The following FCHO2 variants were observed in gnomAD, a reference collection of about 807,000 sequenced individuals.
FCHO2 encodes FCH and mu domain containing endocytic adaptor 2.
FCHO2 carries 43 observed loss-of-function variants against 114.1 expected under a neutral mutation model. The observed-to-expected ratio is 0.38, with a 90% CI of 0.30 to 0.49. FCHO2 has a LOEUF of 0.49. Ranked by LOEUF, FCHO2 falls within the 20% of genes least tolerant of loss-of-function variation. FCHO2 has a pLI of 0.97. For missense variants in FCHO2, 807 were observed against 950.4 expected, an observed-to-expected ratio of 0.85 and a Z score of 1.98; for synonymous variants, 293 against 315.2, an observed-to-expected ratio of 0.93 and a Z score of 0.75.
chr5:73,048,277 C>A (rs889168635), intron 11 of FCHO2, among the ~76,000 whole-genome samples: 1 of 151,978 alleles, frequency 6.6e-6, no homozygotes, highest in Non-Finnish European at 1.5e-5. Flanking sequence ...TAGGGACACC[C>A]TGTGTCTATT....
chr5:73,027,334 C>T (rs1755992265), intron 8 of FCHO2, among the ~76,000 whole-genome samples: 1 of 149,102 alleles, frequency 6.7e-6, no homozygotes, highest in African/African-American at 2.5e-5. Flanking sequence ...TATATATATA[C>T]ATATAGTGAC....
At chr5:72,975,443 C>T (rs1752808084) in intron 2 of FCHO2, among the ~76,000 whole-genome samples, 1 of 152,160 alleles carries the variant, frequency 6.6e-6, no homozygotes, top group Admixed American at 6.5e-5. Context: ...TCTTGTGCCT[C>T]AGCCTCCCAA....
intron 11 of FCHO2, among the ~76,000 whole-genome samples, chr5:73,048,753 G>A (rs903694354): frequency 4.0e-5 from 6 of 149,190 alleles, no homozygotes; most frequent in Non-Finnish European, 6.0e-5. Flanking sequence ...ACACATTGCT[G>A]AGTTTTTCTC....
At chr5:72,969,284 C>G (rs1752379682) in intron 2 of FCHO2, among the ~76,000 whole-genome samples, 1 of 152,088 alleles carries the variant, frequency 6.6e-6, no homozygotes. Context: ...AATGTATATC[C>G]CATCAGTGCT....
intron 17 of FCHO2, among the ~76,000 whole-genome samples, chr5:73,060,003 TCA>T (rs1757780406): frequency 6.6e-6 from 1 of 151,998 alleles, no homozygotes; most frequent in African/African-American, 2.4e-5. Context: ...CAAATTGGTA[TCA>T]CAGAGGTTTT....
chr5:72,969,645 T>C (rs1019602856), intron 2 of FCHO2, among the ~76,000 whole-genome samples: 7 of 152,246 alleles, frequency 4.6e-5, no homozygotes, highest in Admixed American at 2.0e-4. Flanking sequence ...CTTTGAGCCC[T>C]GTTTATGTTA....
At position 72,997,615 on chromosome 5, in the gene FCHO2, C is replaced by T; in HGVS notation, c.495+6751C>T. ...CCGCTGATGTTCGTTCCGTGCTGAG[C>T]CGCAACCTTCACCAGTATAGGTTCT... On this transcript the variant is annotated intron_variant, in intron 5 of 25. Coordinates refer to ENST00000430046, the MANE Select transcript of FCHO2 (RefSeq NM_138782.3). 4 of 1,417,928 alleles carry T rather than the reference C, an allele frequency of 2.8e-6. No individual in the cohort carries two copies. The South Asian group carries it at 3.4e-5, about 12-fold the overall frequency. 87.8% of individuals were successfully genotyped at this position (1,417,928 alleles called of 1,614,324 possible).
At chr5:73,085,340 C>G (rs866288357) in intron 24 of FCHO2, among the ~76,000 whole-genome samples, 3 of 152,146 alleles carry the variant, frequency 2.0e-5, no homozygotes, top group Middle Eastern at 3.4e-3. Context: ...GAGACTCCGT[C>G]TCAAAAAATA....
intron 2 of FCHO2, among the ~76,000 whole-genome samples, chr5:72,986,281 A>G (rs1337397016): frequency 1.3e-5 from 2 of 151,582 alleles, no homozygotes; most frequent in African/African-American, 4.9e-5. Flanking sequence ...GCTTTCCTCC[A>G]CTTCTTAAAA....
At chr5:73,019,419 G>C (rs899409325) in intron 8 of FCHO2, among the ~76,000 whole-genome samples, 2 of 152,122 alleles carry the variant, frequency 1.3e-5, no homozygotes, top group East Asian at 3.9e-4. Context: ...GTGCACATCT[G>C]TAATCCCAGC....
intron 19 of FCHO2, among the ~76,000 whole-genome samples, chr5:73,071,699 A>G (rs189890984): frequency 3.9e-5 from 6 of 152,192 alleles, no homozygotes; most frequent in East Asian, 1.9e-4. Flanking sequence ...CATATTTCCT[A>G]TTCATTTTTT....
Position 72,986,640 on chromosome 5 carries a change from A to G in FCHO2, c.126-2787A>G, listed in dbSNP as rs115641277. On this transcript the variant is annotated intron_variant, in intron 2 of 25. Coordinates refer to ENST00000430046, the MANE Select transcript of FCHO2 (RefSeq NM_138782.3). ...CTCAGTGAGAAAAGTTTTTGTGTCA[A>G]TAATCTTATTCACTATTACAGGTTA... 3.9e-3 allele frequency among the ~76,000 whole-genome samples: 591 copies of G among 152,306 alleles called. 2 individuals carry two copies. Among genetic ancestry groups the G allele is most frequent in the African/African-American group, 0.013 (549 of 41,564 alleles).
At chr5:73,082,892 T>A (rs1257505411) in intron 24 of FCHO2, 67 bp downstream of exon 24, 546 of 958,370 alleles carry the variant, frequency 5.7e-4, no homozygotes, top group Non-Finnish European at 4.6e-4. Flanking sequence ...TTTTTTTTTT[T>A]AAAACAGAGT....
At chr5:73,034,163 C>G (rs113934495) in intron 8 of FCHO2, among the ~76,000 whole-genome samples, 11 of 152,108 alleles carry the variant, frequency 7.2e-5, no homozygotes, top group Admixed American at 7.2e-4. Flanking sequence ...ATTTACCCAA[C>G]TTATTATTTA....
At chr5:73,073,650 A>G (rs190845890) in intron 19 of FCHO2, among the ~76,000 whole-genome samples, 3 of 152,220 alleles carry the variant, frequency 2.0e-5, no homozygotes, top group East Asian at 3.9e-4. Flanking sequence ...CACTATTTAT[A>G]GCATCTCAGA....
chr5:73,085,776 A>C (rs954203902), intron 24 of FCHO2, among the ~76,000 whole-genome samples: 1 of 122,424 alleles, frequency 8.2e-6, no homozygotes, highest in African/African-American at 3.2e-5. Flanking sequence ...CTCTGTCTCA[A>C]AAAATAAATA....
chr5:73,039,646 G>T (rs771605035), intron 10 of FCHO2, among the ~76,000 whole-genome samples: 5 of 149,394 alleles, frequency 3.3e-5, no homozygotes, highest in Non-Finnish European at 7.4e-5. Context: ...TCACCTGGGG[G>T]GCCAGGCCCG....
chr5:72,971,146 T>C (rs1192820810), intron 2 of FCHO2, among the ~76,000 whole-genome samples: 2 of 152,138 alleles, frequency 1.3e-5, no homozygotes, highest in Non-Finnish European at 2.9e-5. Context: ...TTGTGAATAA[T>C]GCCGCAATAA....
intron 2 of FCHO2, among the ~76,000 whole-genome samples, chr5:72,982,935 AC>A (rs1753297841): frequency 1.0e-5 from 1 of 96,684 alleles, no homozygotes; most frequent in Non-Finnish European, 2.8e-5. Flanking sequence ...TTTTTTTCAG[AC>A]AGAGTATCTC....
Sources: allele counts gnomAD v4.1 joint callset (sites outside exome capture counted in the v4.1 genomes callset), GRCh38; gene constraint gnomAD v4.1.1; transcripts MANE v1.5; gene names NCBI Gene and HGNC (gene_info 2026-07-23, HGNC 2026-07-21).